The following JAKMIP3 variants were observed in gnomAD, a reference collection of about 807,000 sequenced individuals.
The protein encoded by JAKMIP3 is janus kinase and microtubule-interacting protein 3.
Under a neutral mutation model 118.5 loss-of-function variants are expected in JAKMIP3, and 58 were observed. The ratio of observed to expected loss-of-function variants is 0.49; its 90% CI spans 0.40 to 0.61. JAKMIP3 has a LOEUF of 0.61. Among genes scored for constraint, JAKMIP3 ranks in the 20% least tolerant of loss-of-function variants. JAKMIP3 has a pLI of 0.00. For missense variants in JAKMIP3, 950 were observed against 1,109.0 expected, an observed-to-expected ratio of 0.86 and a Z score of 2.04; for synonymous variants, 486 against 451.2, an observed-to-expected ratio of 1.08 and a Z score of -0.98.
rs1317975206 is a variant in JAKMIP3, at chr10:132,182,992, G to T, written c.*1739G>T. 1 of 152,180 alleles carries T rather than the reference G, an allele frequency of 6.6e-6. No individual in the cohort carries two copies. Among genetic ancestry groups the T allele is most frequent in the Non-Finnish European group, 1.5e-5 (1 of 68,040 alleles). The allele number at this position is 152,180 out of a possible 1,614,324, so 9.4% of individuals were successfully genotyped here. A position where few individuals can be genotyped will look rare whatever the true frequency, so the allele number is the denominator to read the frequency against. Reference sequence around the variant, plus strand: ...CAAGCCACAGTTCCTGATTTACTCGGCAAGATACTGGGCCAGTTCAGTGTC... The same window carrying T: ...CAAGCCACAGTTCCTGATTTACTCGTCAAGATACTGGGCCAGTTCAGTGTC... On this transcript the variant is annotated 3_prime_UTR_variant, in exon 24 of 24. Coordinates refer to ENST00000684848, the MANE Select transcript of JAKMIP3 (RefSeq NM_001323087.2).
chr10:132,130,969 C>T (rs1170657546), intron 3 of JAKMIP3, among the ~76,000 whole-genome samples: 2 of 151,438 alleles, frequency 1.3e-5, no homozygotes, highest in African/African-American at 4.9e-5. Flanking sequence ...TGCAGAGAGA[C>T]ACTGTGCGGG....
chr10:132,117,056 A>G lies in JAKMIP3; in HGVS notation c.136-21A>G, dbSNP rs2047800054. The stretch of plus-strand genomic sequence containing the variant: ...CATGGCTGGAGCTCCTGCCACACTC[A>G]GTCTCGCTGTTGTCTTTCAGGTCAG... On this transcript the variant is annotated intron_variant, in intron 2 of 23. Coordinates refer to ENST00000684848, the MANE Select transcript of JAKMIP3 (RefSeq NM_001323087.2). The surrounding 1 kb of genome is among the most constrained non-coding windows in gnomAD (Gnocchi z 8.6). The G allele has an allele frequency of 6.3e-7, 1 of 1,586,810 alleles. No homozygotes were observed. Among genetic ancestry groups the G allele is most frequent in the Admixed American group, 1.7e-5 (1 of 58,466 alleles).
At chr10:132,054,091 TG>T (rs1263838116) in intron 1 of JAKMIP3, among the ~76,000 whole-genome samples, 1 of 149,006 alleles carries the variant, frequency 6.7e-6, no homozygotes, top group Non-Finnish European at 1.5e-5. Context: ...CCTGTGAACA[TG>T]GGGCTACCAC....
Position 132,135,069 on chromosome 10 carries a change from G to A in JAKMIP3, c.878G>A (p.Arg293Gln), listed in dbSNP as rs758331901. 1.3e-5 allele frequency: 21 copies of A among 1,613,470 alleles called. No individual in the cohort carries two copies. The highest frequency in any genetic ancestry group is 1.7e-5 in the Admixed American group (1 of 60,006). Residue 293 changes from arginine (R) to glutamine (Q), a missense_variant, in exon 5 of 24, where the codon CGG (arginine) becomes CAG (glutamine). Coordinates refer to ENST00000684848, the MANE Select transcript of JAKMIP3 (RefSeq NM_001323087.2). ...PEQQLDEKDA[R>Q]RFQLKIAELS... ...CAGCAGTTGGATGAAAAAGATGCCC[G>A]GCGCTTCCAGCTTAAAATCGCGGAG...
chr10:132,155,508 C>G (rs958766126), intron 19 of JAKMIP3, among the ~76,000 whole-genome samples: 1 of 152,292 alleles, frequency 6.6e-6, no homozygotes, highest in Middle Eastern at 3.4e-3. Context: ...GCCTACAGAG[C>G]AAAGAACAGC....
At position 132,162,036 on chromosome 10, in the gene JAKMIP3, C is replaced by T. The variant is rs146062287; in HGVS notation, c.2221-1173C>T. Among the ~76,000 whole-genome samples, 92 of 139,378 alleles carry T rather than the reference C, an allele frequency of 6.6e-4. 2 individuals carry two copies. The highest frequency in any genetic ancestry group is 2.1e-3 in the African/African-American group (85 of 40,702). 91.4% of individuals were successfully genotyped at this position (139,378 alleles called of 152,430 possible). On this transcript the variant is annotated intron_variant, in intron 19 of 23. Transcript: ENST00000684848. Reference sequence around the variant, plus strand: ...ACACTCGCCCGGTTCTCTCCTATGTCGTTCATGGTGTGGCTCTCGGTCGCT... The same window carrying T: ...ACACTCGCCCGGTTCTCTCCTATGTTGTTCATGGTGTGGCTCTCGGTCGCT...
At chr10:132,078,094 G>A (rs2041123242) in intron 1 of JAKMIP3, among the ~76,000 whole-genome samples, 1 of 152,204 alleles carries the variant, frequency 6.6e-6, no homozygotes, top group South Asian at 2.1e-4. Context: ...TTACAGGTGT[G>A]AGCCACCTCA....
intron 1 of JAKMIP3, among the ~76,000 whole-genome samples, chr10:132,075,328 C>T (rs1158812008): frequency 6.7e-6 from 1 of 149,778 alleles, no homozygotes; most frequent in Non-Finnish European, 1.5e-5. Context: ...CAGCTTTTCA[C>T]AGTCCTTCTT....
At chr10:132,066,300 C>T (rs1219737476) in intron 1 of JAKMIP3, among the ~76,000 whole-genome samples, 2 of 152,188 alleles carry the variant, frequency 1.3e-5, no homozygotes, top group South Asian at 4.1e-4. Flanking sequence ...CTTGGGCCTG[C>T]GTTCCCAGTA....
intron 3 of JAKMIP3, among the ~76,000 whole-genome samples, chr10:132,121,275 G>A (rs1255285304): frequency 6.6e-6 from 1 of 152,178 alleles, no homozygotes; most frequent in African/African-American, 2.4e-5. Context: ...CCAGGTTCCA[G>A]GACAGCCGCC....
At chr10:132,134,452 C>T (rs541296439) in intron 4 of JAKMIP3, among the ~76,000 whole-genome samples, 6 of 152,372 alleles carry the variant, frequency 3.9e-5, no homozygotes, top group Admixed American at 1.3e-4. Flanking sequence ...GATCTGAAAC[C>T]GGATTCAAAT....
In JAKMIP3 at chr10:132,145,586, C is replaced by T; in HGVS notation, c.1749+6C>T. 2 of 1,559,282 alleles carry T rather than the reference C, an allele frequency of 1.3e-6. No individual in the cohort carries two copies. Among genetic ancestry groups the T allele is most frequent in the Non-Finnish European group, 1.7e-6 (2 of 1,151,724 alleles). ...ATCAAGAGCTTGTGGAAAAGGTGAG[C>T]CCCGAACCCCTGGAGGCCCTGGCAG... is the stretch of plus-strand genomic sequence containing the variant. On this transcript the variant is annotated splice_donor_region_variant and intron_variant, in intron 13 of 23. Transcript: ENST00000684848.
chr10:132,067,153 G>A, intron 1 of JAKMIP3, among the ~76,000 whole-genome samples: 1 of 151,964 alleles, frequency 6.6e-6, no homozygotes. Context: ...CAGCATTACC[G>A]GCAAAAGGCT....
intron 1 of JAKMIP3, among the ~76,000 whole-genome samples, chr10:132,055,578 T>C (rs1302880542): frequency 6.6e-6 from 1 of 152,180 alleles, no homozygotes. Context: ...AAAGGATGGA[T>C]GTGTGTGCGC....
chr10:132,063,066 G>A (rs986391465), upstream of JAKMIP3, among the ~76,000 whole-genome samples: 1 of 152,308 alleles, frequency 6.6e-6, no homozygotes, highest in Non-Finnish European at 1.5e-5. Flanking sequence ...GGTGGGTCTG[G>A]GAATCAGCGA....
At chr10:132,152,282 C>T (rs920250418) in intron 16 of JAKMIP3, among the ~76,000 whole-genome samples, 1 of 152,190 alleles carries the variant, frequency 6.6e-6, no homozygotes, top group Non-Finnish European at 1.5e-5. Flanking sequence ...GAGAGAATGG[C>T]ATGGACAGGG....
At chr10:132,147,636 G>A (rs376789122) in intron 13 of JAKMIP3, among the ~76,000 whole-genome samples, 2 of 152,080 alleles carry the variant, frequency 1.3e-5, no homozygotes, top group Non-Finnish European at 2.9e-5. Flanking sequence ...TGCTGGAGAC[G>A]TTTATCCTTG....
At chr10:132,084,565 C>T (rs2134270174) in intron 1 of JAKMIP3, among the ~76,000 whole-genome samples, 1 of 152,210 alleles carries the variant, frequency 6.6e-6, no homozygotes, top group Non-Finnish European at 1.5e-5. Context: ...CTGGGACTTC[C>T]AGTACTATGT....
chr10:132,164,176 C>A (rs1047612534), intron 20 of JAKMIP3, among the ~76,000 whole-genome samples: 1 of 152,334 alleles, frequency 6.6e-6, no homozygotes, highest in Non-Finnish European at 1.5e-5. Flanking sequence ...GCCTCCTGGG[C>A]CTCTTTGGTC....
Sources: gnomAD v4.1 joint callset for allele counts (sites outside exome capture counted in the v4.1 genomes callset) on GRCh38, gnomAD v4.1.1 for gene constraint, Gnocchi (gnomAD v3.1) non-coding constraint, MANE v1.5 for transcripts, NCBI Gene and HGNC (gene_info 2026-07-23, HGNC 2026-07-21) for gene names.